Variants in RAD51B observed in about 807,000 individuals in gnomAD.
RAD51B encodes RAD51 paralog B.
Under a neutral mutation model 42.2 loss-of-function variants are expected in RAD51B, and 38 were observed. The observed-to-expected ratio is 0.90, with a 90% confidence interval of 0.70 to 1.18. The LOEUF (loss-of-function observed/expected upper bound fraction) is 1.18. RAD51B is among the 50% of genes most tolerant of loss of function. The probability of loss-of-function intolerance (pLI) is 0.00; values close to 1 mark genes in which losing one functional copy is unlikely to be tolerated. For synonymous variants in RAD51B, 154 were observed against 145.2 expected (o/e 1.06, Z -0.43); for missense variants, 373 against 400.7 (o/e 0.93, Z 0.59).
In RAD51B at chr14:67,901,947, A is replaced by C. The variant is rs577277941; in HGVS notation, c.756+14743A>C. On this transcript the variant is annotated intron_variant, in intron 7 of 10. Transcript: ENST00000471583. ...TGATGAGAAATTACTTAATTGGTAC[A>C]ATGTATGTTATTCCAGTGATGGATA... 6.6e-5 allele frequency among the ~76,000 whole-genome samples: 10 copies of C among 152,300 alleles called. 1 individual carries two copies. The East Asian group carries it at 1.9e-3, about 29-fold the overall frequency.
chr14:68,602,500 G>GGATAGCTA (rs1362426118), intron 10 of RAD51B, among the ~76,000 whole-genome samples: 6 of 135,260 alleles, frequency 4.4e-5, no homozygotes, highest in African/African-American at 1.7e-4. Flanking sequence ...ATGGATGGAT[G>GGATAGCTA]GATAGCTAGA....
At chr14:68,401,275 C>A (rs1939135725) in intron 8 of RAD51B, among the ~76,000 whole-genome samples, 1 of 152,048 alleles carries the variant, frequency 6.6e-6, no homozygotes, top group African/African-American at 2.4e-5. Flanking sequence ...TTAAAATGTC[C>A]CCATTTCATT....
intron 10 of RAD51B, among the ~76,000 whole-genome samples, chr14:68,506,884 G>A (rs1018763180): frequency 8.5e-5 from 13 of 152,120 alleles, no homozygotes; most frequent in Admixed American, 5.9e-4. Flanking sequence ...AGAAAGTTTC[G>A]AGATTCTGTG....
intron 8 of RAD51B, among the ~76,000 whole-genome samples, chr14:68,389,980 T>A (rs2083701594): frequency 6.6e-6 from 1 of 152,262 alleles, no homozygotes; most frequent in South Asian, 2.1e-4. Context: ...ATTCTGAGAA[T>A]GGCTTGTTAG....
At chr14:68,326,140 A>G (rs1270235543) in intron 8 of RAD51B, among the ~76,000 whole-genome samples, 1 of 149,038 alleles carries the variant, frequency 6.7e-6, no homozygotes, top group Non-Finnish European at 1.5e-5. Context: ...TCCCAGGTTC[A>G]AGCAATTCTC....
At chr14:68,001,690 C>G (rs1034220029) in intron 7 of RAD51B, among the ~76,000 whole-genome samples, 1 of 152,132 alleles carries the variant, frequency 6.6e-6, no homozygotes, top group African/African-American at 2.4e-5. Context: ...CTGATGCTCT[C>G]CCTCTTCCCA....
chr14:68,378,122 A>G (rs746159281), intron 8 of RAD51B, among the ~76,000 whole-genome samples: 40 of 152,220 alleles, frequency 2.6e-4, no homozygotes, highest in Middle Eastern at 6.8e-3. Flanking sequence ...CTTTTCATCT[A>G]CTCAGAAACT....
Position 68,117,637 on chromosome 14 carries a change from C to T in RAD51B, c.757-174247C>T, listed in dbSNP as rs1164407847. ...TAAAAGAGATTAAAAATAACCTAGA[C>T]TCTTGCATTAGAAAGCAGAGGGAGA... On this transcript the variant is annotated intron_variant, in intron 7 of 10. Coordinates refer to ENST00000471583, the MANE Select transcript of RAD51B (RefSeq NM_133510.4). Among the ~76,000 whole-genome samples the T allele has an allele frequency of 5.3e-5, 8 of 152,276 alleles. No individual in the cohort carries two copies. In the South Asian group the frequency reaches 1.0e-3, roughly 20 times the overall value.
chr14:68,125,973 A>T (rs10145197), intron 7 of RAD51B, among the ~76,000 whole-genome samples: 15,160 of 152,164 alleles, frequency 0.1, 2,256 homozygotes, highest in African/African-American at 0.32. Context: ...AAGAAGTTGA[A>T]GTAAGTCATC....
chr14:68,081,782 G>A lies in RAD51B; in HGVS notation c.756+194578G>A, dbSNP rs112316276. ...AGAACACAGATGGGCAGGCTGTGGG[G>A]CTCTGACCCCACGGCAGTGTCTAGG... On this transcript the variant is annotated intron_variant, in intron 7 of 10. Coordinates refer to ENST00000471583, the MANE Select transcript of RAD51B (RefSeq NM_133510.4). Among the ~76,000 whole-genome samples, 761 of 152,226 alleles carry A rather than the reference G, an allele frequency of 5.0e-3. 11 individuals are homozygous for A. The highest frequency in any genetic ancestry group is 0.017 in the African/African-American group (726 of 41,532).
At chr14:67,886,116 T>G (rs1168877703) in intron 6 of RAD51B, 128 bp downstream of exon 6, 3 of 726,232 alleles carry the variant, frequency 4.1e-6, no homozygotes, top group Non-Finnish European at 6.2e-6. Context: ...TTTTCAGTGT[T>G]CTTCTTTGTT....
At chr14:68,313,559 G>A (rs1013590894) in intron 8 of RAD51B, among the ~76,000 whole-genome samples, 1 of 152,190 alleles carries the variant, frequency 6.6e-6, no homozygotes, top group Non-Finnish European at 1.5e-5. Context: ...TCCAGCCCCA[G>A]CAACAGTGGC....
In RAD51B at chr14:68,218,382, CT is replaced by C. The variant is rs1392968508; in HGVS notation, c.757-73497del. ...TGGCTTCAGCAAGGCCAGATGCCTA[CT>C]TTTTGTAAATATCATTGGCAGTTGG... On this transcript the variant is annotated intron_variant, in intron 7 of 10. Transcript: ENST00000471583. Among the ~76,000 whole-genome samples, 11 of 152,312 alleles carry C rather than the reference CT, an allele frequency of 7.2e-5. No homozygotes were observed. The South Asian group carries it at 2.1e-3, about 29-fold the overall frequency.
intron 10 of RAD51B, among the ~76,000 whole-genome samples, chr14:68,647,624 A>G (rs1892588775): frequency 6.6e-6 from 1 of 152,210 alleles, no homozygotes. Flanking sequence ...CACAGTCCTC[A>G]CCACATTATA....
chr14:67,958,988 T>C (rs1209974832), intron 7 of RAD51B, among the ~76,000 whole-genome samples: 1 of 152,208 alleles, frequency 6.6e-6, no homozygotes, highest in Non-Finnish European at 1.5e-5. Flanking sequence ...TTCTATTATA[T>C]TTCAAAGAAT....
intron 7 of RAD51B, among the ~76,000 whole-genome samples, chr14:68,145,341 G>A (rs947706745): frequency 6.6e-6 from 1 of 152,340 alleles, no homozygotes; most frequent in Non-Finnish European, 1.5e-5. Context: ...ATAGATCTGG[G>A]TTTGAATATC....
intron 8 of RAD51B, among the ~76,000 whole-genome samples, chr14:68,373,626 G>C (rs2083304828): frequency 1.3e-5 from 2 of 152,076 alleles, no homozygotes; most frequent in South Asian, 4.1e-4. Context: ...TGGTGGGTGG[G>C]GGGCAAGGGC....
intron 5 of RAD51B, among the ~76,000 whole-genome samples, chr14:67,872,886 A>T (rs1209940077): frequency 6.6e-6 from 1 of 152,346 alleles, no homozygotes; most frequent in African/African-American, 2.4e-5. Context: ...GGCTAGCCAT[A>T]TATAGAAAGC....
intron 10 of RAD51B, among the ~76,000 whole-genome samples, chr14:68,557,670 A>G (rs61985815): frequency 0.047 from 7,189 of 152,236 alleles, 232 homozygotes; most frequent in Non-Finnish European, 0.074. Flanking sequence ...AACATCCCAC[A>G]TGCCTGCCCA....
Sources: allele counts gnomAD v4.1 joint callset (sites outside exome capture counted in the v4.1 genomes callset), GRCh38; gene constraint gnomAD v4.1.1; transcripts MANE v1.5; gene names NCBI Gene and HGNC (gene_info 2026-07-23, HGNC 2026-07-21).